The following TBC1D1 variants were observed in gnomAD, a reference collection of about 807,000 sequenced individuals.
TBC1D1 encodes TBC1 domain family member 1.
TBC1D1 carries 89 observed loss-of-function variants against 125.6 expected under a neutral mutation model. The observed-to-expected ratio is 0.71, with a 90% CI of 0.60 to 0.85. The LOEUF (loss-of-function observed/expected upper bound fraction) is 0.85. TBC1D1 is among the 40% of genes least tolerant of loss of function. The pLI, the probability that TBC1D1 is intolerant of heterozygous loss-of-function variation, is 0.00. For missense variants in TBC1D1, 1,377 were observed against 1,469.2 expected (o/e 0.94, Z 1.03); for synonymous variants, 565 against 564.1 (o/e 1.00, Z -0.02).
At chr4:37,896,929 G>C (rs1393898156) in intron 1 of TBC1D1, among the ~76,000 whole-genome samples, 2 of 151,948 alleles carry the variant, frequency 1.3e-5, no homozygotes, top group Admixed American at 6.6e-5. Context: ...TTGTGTCTTG[G>C]GTAGCTACTA....
chr4:38,064,022 CT>C (rs145431163), intron 12 of TBC1D1, among the ~76,000 whole-genome samples: 6,644 of 152,308 alleles, frequency 0.044, 191 homozygotes, highest in South Asian at 0.082. Flanking sequence ...TAGACAGCCC[CT>C]AATCTACTTT....
At chr4:38,020,563 T>C in intron 4 of TBC1D1, 28 bp from the exon 5 acceptor site, 1 of 1,590,254 alleles carries the variant, frequency 6.3e-7, no homozygotes, top group African/African-American at 1.3e-5. Flanking sequence ...TGGATACAAC[T>C]GAACATCTCG....
intron 2 of TBC1D1, among the ~76,000 whole-genome samples, chr4:37,962,000 A>G (rs181190557): frequency 1.4e-4 from 21 of 152,360 alleles, no homozygotes; most frequent in African/African-American, 5.1e-4. Context: ...AAGTTTAAAA[A>G]TTCAAGACAA....
At chr4:37,895,210 G>GT (rs1393352083) in intron 1 of TBC1D1, among the ~76,000 whole-genome samples, 2 of 152,154 alleles carry the variant, frequency 1.3e-5, no homozygotes, top group Admixed American at 1.3e-4. Flanking sequence ...CGTTTTGTAA[G>GT]TTAAATCAGT....
At chr4:38,024,076 A>G (rs1744609003) in intron 6 of TBC1D1, among the ~76,000 whole-genome samples, 2 of 152,232 alleles carry the variant, frequency 1.3e-5, no homozygotes. Flanking sequence ...TAAATTAACA[A>G]TTGACATCTT....
intron 2 of TBC1D1, among the ~76,000 whole-genome samples, chr4:38,009,633 A>T (rs1741052789): frequency 6.6e-6 from 1 of 152,248 alleles, no homozygotes; most frequent in Admixed American, 6.5e-5. Flanking sequence ...GGATGTCATT[A>T]TCTGGCTACA....
intron 2 of TBC1D1, among the ~76,000 whole-genome samples, chr4:37,981,489 G>A (rs138615348): frequency 1.1e-4 from 17 of 152,270 alleles, no homozygotes; most frequent in African/African-American, 3.9e-4. Flanking sequence ...ATTCTAGATG[G>A]GAGAGATAGC....
At chr4:38,108,621 GC>G (rs1230290786) in intron 15 of TBC1D1, among the ~76,000 whole-genome samples, 1 of 152,198 alleles carries the variant, frequency 6.6e-6, no homozygotes, top group Non-Finnish European at 1.5e-5. Context: ...GCCGCGAGAC[GC>G]TAAGCGTGTG....
chr4:37,918,090 A>AACAACTGG (rs1364568799), intron 2 of TBC1D1, among the ~76,000 whole-genome samples: 1 of 152,246 alleles, frequency 6.6e-6, no homozygotes, highest in African/African-American at 2.4e-5. Context: ...AGCTTAAAAA[A>AACAACTGG]ACAACTGGAA....
chr4:38,114,905 T>C (rs1369152342), intron 15 of TBC1D1, among the ~76,000 whole-genome samples: 2 of 152,022 alleles, frequency 1.3e-5, no homozygotes, highest in East Asian at 3.9e-4. Flanking sequence ...GTATGAAGCA[T>C]TTGCAGGCAT....
At chr4:38,012,919 A>G (rs961988400) in intron 2 of TBC1D1, among the ~76,000 whole-genome samples, 20 of 152,098 alleles carry the variant, frequency 1.3e-4, no homozygotes, top group East Asian at 7.7e-4. Context: ...TCGGCCTCCC[A>G]AGTAGCTGGG....
intron 11 of TBC1D1, among the ~76,000 whole-genome samples, chr4:38,051,451 C>G (rs1416198664): frequency 6.6e-6 from 1 of 151,618 alleles, no homozygotes; most frequent in Non-Finnish European, 1.5e-5. Flanking sequence ...TTTTTTCCTG[C>G]CAGTTCCTGA....
At chr4:37,999,588 GAC>G (rs1382978290) in intron 2 of TBC1D1, among the ~76,000 whole-genome samples, 1 of 152,072 alleles carries the variant, frequency 6.6e-6, no homozygotes, top group Non-Finnish European at 1.5e-5. Flanking sequence ...GTGCCCTCAG[GAC>G]CTGGGAGAGC....
At chr4:37,956,715 G>C (rs1729003575) in intron 2 of TBC1D1, among the ~76,000 whole-genome samples, 1 of 152,064 alleles carries the variant, frequency 6.6e-6, no homozygotes, top group African/African-American at 2.4e-5. Context: ...GGGAGACCGA[G>C]ATGGGCAGAT....
At chr4:38,123,813 C>T (rs1372045331) in intron 17 of TBC1D1, among the ~76,000 whole-genome samples, 2 of 152,230 alleles carry the variant, frequency 1.3e-5, no homozygotes, top group Non-Finnish European at 2.9e-5. Context: ...TCCCAGCCAG[C>T]GGGCTCCTGG....
chr4:38,017,072 G>A (rs1235669587), intron 3 of TBC1D1, among the ~76,000 whole-genome samples: 1 of 152,016 alleles, frequency 6.6e-6, no homozygotes, highest in Non-Finnish European at 1.5e-5. Context: ...GAAGGAGAGG[G>A]ATCTCAGGAG....
intron 2 of TBC1D1, among the ~76,000 whole-genome samples, chr4:37,915,022 A>G (rs546771577): frequency 6.6e-6 from 1 of 152,358 alleles, no homozygotes; most frequent in South Asian, 2.1e-4. Context: ...GTTCGGAATC[A>G]TATGCTTCCA....
At chr4:38,111,208 C>A (rs1460072196) in intron 15 of TBC1D1, among the ~76,000 whole-genome samples, 1 of 152,206 alleles carries the variant, frequency 6.6e-6, no homozygotes, top group East Asian at 1.9e-4. Context: ...TTTTAATCCC[C>A]CTCATCCACT....
In TBC1D1 at chr4:37,925,821, A is replaced by T. The variant is rs547831398; in HGVS notation, c.417+23309A>T. Reference sequence around the variant, plus strand: ...CTTGAGATAACTGTTCTAAAAAAAAAGTTTAAAATAAATTAATAATATGTT... The same window carrying T: ...CTTGAGATAACTGTTCTAAAAAAAATGTTTAAAATAAATTAATAATATGTT... On this transcript the variant is annotated intron_variant, in intron 2 of 19. Coordinates refer to ENST00000261439, the MANE Select transcript of TBC1D1 (RefSeq NM_015173.4). 5.6e-4 allele frequency among the ~76,000 whole-genome samples: 85 copies of T among 152,236 alleles called. 1 individual carries two copies. The highest frequency in any genetic ancestry group is 6.8e-3 in the Middle Eastern group (2 of 294).
Sources: allele counts gnomAD v4.1 joint callset (sites outside exome capture counted in the v4.1 genomes callset), GRCh38; gene constraint gnomAD v4.1.1; transcripts MANE v1.5; gene names NCBI Gene and HGNC (gene_info 2026-07-23, HGNC 2026-07-21).